The following CCDC146 variants were observed in gnomAD, a reference collection of about 807,000 sequenced individuals.
The protein encoded by CCDC146 is coiled-coil domain-containing protein 146.
A neutral mutation model predicts 119.3 loss-of-function variants in CCDC146; 92 were observed. The observed-to-expected ratio is 0.77, with a 90% CI of 0.65 to 0.92. CCDC146 has a LOEUF of 0.92. Ranked by LOEUF, CCDC146 falls within the 40% of genes least tolerant of loss-of-function variation. The pLI is 0.00. For missense variants in CCDC146, 1,000 were observed against 1,103.0 expected (o/e 0.91, Z 1.32); for synonymous variants, 372 against 371.8 (o/e 1.00, Z -0.01).
intron 14 of CCDC146, 114 bp downstream of exon 14, chr7:77,280,767 T>A: frequency 1.4e-6 from 1 of 734,432 alleles, no homozygotes; most frequent in Non-Finnish European, 2.2e-6. Flanking sequence ...CAGGTTGCAT[T>A]AGCCTTTGGA....
chr7:77,254,553 C>A lies in CCDC146; in HGVS notation c.497C>A (p.Thr166Lys), dbSNP rs781198680. 1 of 1,523,804 alleles carries A rather than the reference C, an allele frequency of 6.6e-7. No individual in the cohort carries two copies. The highest frequency in any genetic ancestry group is 9.1e-7 in the Non-Finnish European group (1 of 1,104,078). 94.4% of individuals were successfully genotyped at this position (1,523,804 alleles called of 1,614,324 possible). A position where few individuals can be genotyped will look rare whatever the true frequency, so the allele number is the denominator to read the frequency against. Residue 166 changes from threonine to lysine, a missense_variant, in exon 5 of 19, where the codon ACA becomes AAA. Around this residue, in one of 2 missense-constraint regions of CCDC146, gnomAD observed 985 missense variants for 1,045.3 expected, o/e 0.94. Transcript: ENST00000285871. ...ATAGTAAAAGAATTTGAGAAGATAA[C>A]AAAGCCAGGAGTAAGTCTTAGATGA... is the stretch of plus-strand genomic sequence containing the variant. ...IIIVKEFEKI[T>K]KPGEMEKKMK...
In CCDC146 at chr7:77,202,095, G is replaced by A. The variant is rs2868691; in HGVS notation, c.156+34271G>A. On this transcript the variant is annotated intron_variant, in intron 2 of 18. Transcript: ENST00000285871. ...CTATGCTAGAGCATATATAAGATGC[G>A]TGCCACAGGCACTTTCATTCATTTA... Among the ~76,000 whole-genome samples the A allele has an allele frequency of 9.5e-3, 1,454 of 152,326 alleles. 23 individuals are homozygous for A. Among genetic ancestry groups the A allele is most frequent in the African/African-American group, 0.033 (1,363 of 41,564 alleles).
intron 1 of CCDC146, among the ~76,000 whole-genome samples, chr7:77,163,386 T>C (rs1490876087): frequency 6.6e-6 from 1 of 151,948 alleles, no homozygotes; most frequent in Non-Finnish European, 1.5e-5. Flanking sequence ...AGGCAGAGGT[T>C]ATAGTGAGCA....
intron 4 of CCDC146, among the ~76,000 whole-genome samples, chr7:77,243,637 C>T (rs969936895): frequency 1.3e-5 from 2 of 149,860 alleles, no homozygotes; most frequent in African/African-American, 4.8e-5. Context: ...ATTTACTATT[C>T]GATACATTTT....
chr7:77,126,332 T>C (rs1790689239), intron 1 of CCDC146, among the ~76,000 whole-genome samples: 1 of 152,090 alleles, frequency 6.6e-6, no homozygotes, highest in Non-Finnish European at 1.5e-5. Context: ...GGGTTGTCAA[T>C]TTCCTGGCCA....
At chr7:77,285,329 TA>T (rs1793829526) in intron 15 of CCDC146, among the ~76,000 whole-genome samples, 2 of 152,202 alleles carry the variant, frequency 1.3e-5, no homozygotes, top group African/African-American at 4.8e-5. Context: ...TTGTTAATAA[TA>T]AATACAACAA....
At chr7:77,245,367 ACC>A (rs1792929536) in intron 4 of CCDC146, among the ~76,000 whole-genome samples, 1 of 152,220 alleles carries the variant, frequency 6.6e-6, no homozygotes, top group South Asian at 2.1e-4. Context: ...ACTCTCTTCA[ACC>A]TTTGCCTTGC....
chr7:77,152,949 T>C (rs1174143213), intron 1 of CCDC146, among the ~76,000 whole-genome samples: 3 of 152,148 alleles, frequency 2.0e-5, no homozygotes, highest in African/African-American at 7.2e-5. Context: ...AACACTGAAA[T>C]CATCTTGCAG....
intron 9 of CCDC146, among the ~76,000 whole-genome samples, chr7:77,273,057 C>T (rs1379000545): frequency 6.6e-6 from 1 of 152,140 alleles, no homozygotes; most frequent in South Asian, 2.1e-4. Flanking sequence ...ATAGTATATT[C>T]ATGTCTCCAA....
At chr7:77,230,006 A>G (rs766638297) in intron 2 of CCDC146, among the ~76,000 whole-genome samples, 4 of 152,216 alleles carry the variant, frequency 2.6e-5, no homozygotes, top group Non-Finnish European at 5.9e-5. Context: ...GTCTCCAAAG[A>G]TCTGCCCACT....
chr7:77,294,896 A>C lies in CCDC146; in HGVS notation c.*30A>C. 1 of 1,578,754 alleles carries C rather than the reference A, an allele frequency of 6.3e-7. No individual in the cohort carries two copies. The highest frequency in any genetic ancestry group is 8.7e-7 in the Non-Finnish European group (1 of 1,153,490). Reference sequence around the variant, plus strand: ...GTGAACAAATCCAGGCCTCTCAAGGAAAAGACTTCAACCAGGCTTCCTTGT... The same window carrying C: ...GTGAACAAATCCAGGCCTCTCAAGGCAAAGACTTCAACCAGGCTTCCTTGT... On this transcript the variant is annotated 3_prime_UTR_variant, in exon 19 of 19. Transcript: ENST00000285871.
chr7:77,199,448 A>T (rs1791941038), intron 2 of CCDC146: 1 of 1,614,156 alleles, frequency 6.2e-7, no homozygotes, highest in African/African-American at 1.3e-5. Flanking sequence ...GTACTGGGTA[A>T]CAACAGTCCG....
chr7:77,148,775 A>T (rs1398510058), intron 1 of CCDC146, among the ~76,000 whole-genome samples: 3 of 152,174 alleles, frequency 2.0e-5, no homozygotes, highest in African/African-American at 7.2e-5. Flanking sequence ...CTTACAAGGG[A>T]TGTGAAGAAC....
chr7:77,207,593 A>C (rs942451611), intron 2 of CCDC146, among the ~76,000 whole-genome samples: 1 of 152,216 alleles, frequency 6.6e-6, no homozygotes, highest in African/African-American at 2.4e-5. Context: ...ATTTATTACT[A>C]TGATCATCTC....
intron 9 of CCDC146, among the ~76,000 whole-genome samples, chr7:77,264,508 C>T (rs1793364316): frequency 6.6e-6 from 1 of 152,200 alleles, no homozygotes; most frequent in African/African-American, 2.4e-5. Context: ...ATCCATCTGC[C>T]TCGGCCTCCC....
chr7:77,256,450 C>G lies in CCDC146; in HGVS notation c.625C>G (p.Gln209Glu). The change falls in exon 6 of 19, where the codon CAA (glutamine) becomes GAA (glutamate). Residue 209 changes from glutamine (Q) to glutamate (E), a missense_variant. Gln to Glu is a conservative substitution (Grantham distance 29). This residue lies in a region of CCDC146 where 985 missense variants were observed against 1,045.3 expected (regional missense o/e 0.94). Transcript: ENST00000285871. ...AGAAGATTTGGCATCTAAACAAAAGCAATTATTAAAAGAGCAGAAGGAACT... is the reference window on the plus strand; with the variant it reads ...AGAAGATTTGGCATCTAAACAAAAGGAATTATTAAAAGAGCAGAAGGAACT... ...LREDLASKQK[Q>E]LLKEQKELEE... 1 of 1,609,076 alleles carries G rather than the reference C, an allele frequency of 6.2e-7. No homozygotes were observed. The highest frequency in any genetic ancestry group is 8.5e-7 in the Non-Finnish European group (1 of 1,178,502).
Position 77,262,229 on chromosome 7 carries a change from A to G in CCDC146, c.1095A>G (p.Arg365=), listed in dbSNP as rs1221925950. The change falls in exon 9 of 19, where the codon AGA becomes AGG. Residue 365 remains arginine (R), a synonymous_variant. Coordinates refer to ENST00000285871, the MANE Select transcript of CCDC146 (RefSeq NM_020879.3). ...AAGAACGAGATTTTCGAAATTTAAG[A>G]AAGATGGAACTGCTCTTGAAAGTGT... ...REKERDFRNL[R]KMELLLKVSW... 2 of 1,613,954 alleles carry G rather than the reference A, an allele frequency of 1.2e-6. No homozygotes were observed. The highest frequency in any genetic ancestry group is 1.7e-6 in the Non-Finnish European group (2 of 1,180,004).
At chr7:77,142,190 C>T (rs1407057535) in intron 1 of CCDC146, among the ~76,000 whole-genome samples, 1 of 152,110 alleles carries the variant, frequency 6.6e-6, no homozygotes, top group Non-Finnish European at 1.5e-5. Context: ...CACTCTTATT[C>T]AGCATAGTAT....
In CCDC146 at chr7:77,197,044, G is replaced by T. The variant is rs190252959; in HGVS notation, c.156+29220G>T. 4.8e-5 allele frequency: 50 copies of T among 1,030,994 alleles called. No homozygotes were observed. In the African/African-American group the frequency reaches 7.3e-4, roughly 15 times the overall value. The allele number at this position is 1,030,994 out of a possible 1,614,324, so 63.9% of individuals were successfully genotyped here. On this transcript the variant is annotated intron_variant, in intron 2 of 18. Transcript: ENST00000285871. ...TGTTAATAGAAACCATGCATCTGAA[G>T]AATTCTTTATATGTACAAAAGCAGT...
Sources: gnomAD v4.1 joint callset for allele counts (sites outside exome capture counted in the v4.1 genomes callset) on GRCh38, gnomAD v4.1.1 for gene constraint, gnomAD v4.1.1 regional missense constraint, MANE v1.5 for transcripts, NCBI Gene and HGNC (gene_info 2026-07-23, HGNC 2026-07-21) for gene names.